COL17A1: variants seen among roughly 807,000 people sequenced by gnomAD.
COL17A1 encodes the protein collagen alpha-1(XVII) chain.
COL17A1 carries 181 observed loss-of-function variants against 218.4 expected under a neutral mutation model. The ratio of observed to expected loss-of-function variants is 0.83; its 90% CI spans 0.73 to 0.94. COL17A1 has a LOEUF of 0.94. Among genes scored for constraint, COL17A1 ranks in the 40% least tolerant of loss-of-function variants. The pLI, the probability that COL17A1 is intolerant of heterozygous loss-of-function variation, is 0.00. For synonymous variants in COL17A1, 721 were observed against 731.0 expected (o/e 0.99, Z 0.22); for missense variants, 1,924 against 1,945.9 (o/e 0.99, Z 0.21).
Position 104,061,428 on chromosome 10 carries a change from T to C in COL17A1, c.956A>G (p.Asn319Ser), listed in dbSNP as rs1176895576. ...ACCGGCGGAGGTGGAAACGCCAGTGTTCACAGCCGCAGGACTCTGGGGCAT... is the reference window on the plus strand; with the variant it reads ...ACCGGCGGAGGTGGAAACGCCAGTGCTCACAGCCGCAGGACTCTGGGGCAT... ...KNMPQSPAAVNTGVSTSAACT... is the reference protein window; with the variant it reads ...KNMPQSPAAVSTGVSTSAACT... The change falls in exon 13 of 56, where the codon AAC becomes AGC. Residue 319 changes from asparagine (N) to serine (S), a missense_variant. By Grantham distance (46) the Asn-to-Ser change is conservative. Coordinates refer to ENST00000648076, the MANE Select transcript of COL17A1 (RefSeq NM_000494.4). 2 of 1,613,726 alleles carry C rather than the reference T, an allele frequency of 1.2e-6. No individual in the cohort carries two copies. Among genetic ancestry groups the C allele is most frequent in the Middle Eastern group, 1.7e-4 (1 of 5,994 alleles).
intron 18 of COL17A1, 129 bp downstream of exon 18, chr10:104,055,653 G>A: frequency 1.5e-6 from 2 of 1,340,566 alleles, no homozygotes; most frequent in East Asian, 4.9e-5. Flanking sequence ...GCTATTGAGA[G>A]GATCAGGGGA....
chr10:104,035,987 CGTGT>C (rs915421428), intron 48 of COL17A1, among the ~76,000 whole-genome samples: 1 of 102,302 alleles, frequency 9.8e-6, no homozygotes, highest in African/African-American at 3.9e-5. Context: ...TATGGGAATG[CGTGT>C]GTGTATGCAT....
intron 7 of COL17A1, among the ~76,000 whole-genome samples, chr10:104,072,793 G>T (rs2086679280): frequency 6.6e-6 from 1 of 152,094 alleles, no homozygotes; most frequent in African/African-American, 2.4e-5. Flanking sequence ...TCATGGAGCT[G>T]TTTATCTCCT....
chr10:104,070,399 C>T (rs1444062701), intron 9 of COL17A1, 27 bp downstream of exon 9: 1 of 1,612,662 alleles, frequency 6.2e-7, no homozygotes, highest in Non-Finnish European at 8.5e-7. Flanking sequence ...TCTCACACTC[C>T]TCGGCAGCCT....
intron 1 of COL17A1, among the ~76,000 whole-genome samples, chr10:104,083,259 C>T (rs184857407): frequency 2.8e-4 from 43 of 152,262 alleles, no homozygotes; most frequent in African/African-American, 7.2e-4. Flanking sequence ...GGAAAAGGAA[C>T]GTTTCCTGCC....
chr10:104,054,198 A>T, intron 20 of COL17A1, 80 bp from the exon 21 acceptor site: 1 of 1,479,718 alleles, frequency 6.8e-7, no homozygotes. Flanking sequence ...AGTGGGATTC[A>T]GGTAGGGTTG....
intron 39 of COL17A1, among the ~76,000 whole-genome samples, 188 bp from the exon 40 acceptor site, chr10:104,040,598 ATAGGTGGATGG>A (rs1564673663): frequency 7.0e-6 from 1 of 143,530 alleles, no homozygotes; most frequent in Non-Finnish European, 1.6e-5. Context: ...GGATGGATGG[ATAGGTGGATGG>A]ATGGATGGAT....
In COL17A1 at chr10:104,036,536, A is replaced by C. The variant is rs2086300816; in HGVS notation, c.3374T>G (p.Leu1125Trp). The change falls in exon 48 of 56, where the codon TTG (leucine) becomes TGG (tryptophan). Residue 1125 changes from leucine (L) to tryptophan (W), a missense_variant. Physicochemically the swap from Leu to Trp is moderately conservative, Grantham distance 61. Transcript: ENST00000648076. ...GCGACTACTCAGCTCTGCATAGTCC[A>C]AAGACAGGAGGGACCCATCTCCACT... ...GASGDGSLLS[L>W]DYAELSSRIL... 1 of 1,613,866 alleles carries C rather than the reference A, an allele frequency of 6.2e-7. No homozygotes were observed. The highest frequency in any genetic ancestry group is 1.1e-5 in the South Asian group (1 of 91,092).
intron 21 of COL17A1, 24 bp downstream of exon 21, chr10:104,054,068 T>A: frequency 1.9e-6 from 3 of 1,613,450 alleles, no homozygotes; most frequent in African/African-American, 1.3e-5. Context: ...CTGGCAGGCC[T>A]GGAGGTCATC....
intron 10 of COL17A1, among the ~76,000 whole-genome samples, chr10:104,064,231 A>G (rs1169659452): frequency 2.0e-5 from 3 of 152,194 alleles, no homozygotes; most frequent in African/African-American, 7.2e-5. Flanking sequence ...ACACCGTGCT[A>G]TATATTCTAA....
chr10:104,060,286 G>A lies in COL17A1; in HGVS notation c.980-6C>T, dbSNP rs2086571019. Reference sequence around the variant, plus strand: ...CTGCACACTTGTGGTGCAGGCTGGGGAGAAAGAAAATGGGTAAGAAGGAAG... The same window carrying A: ...CTGCACACTTGTGGTGCAGGCTGGGAAGAAAGAAAATGGGTAAGAAGGAAG... On this transcript the variant is annotated splice_polypyrimidine_tract_variant and splice_region_variant and intron_variant, in intron 13 of 55. Coordinates refer to ENST00000648076, the MANE Select transcript of COL17A1 (RefSeq NM_000494.4). 1 of 1,614,058 alleles carries A rather than the reference G, an allele frequency of 6.2e-7. No homozygotes were observed. The highest frequency in any genetic ancestry group is 8.5e-7 in the Non-Finnish European group (1 of 1,180,018).
chr10:104,080,482 G>A, intron 2 of COL17A1, 140 bp downstream of exon 2: 1 of 946,594 alleles, frequency 1.1e-6, no homozygotes, highest in Non-Finnish European at 1.6e-6. Context: ...CTTATGAGAA[G>A]GATTAAAGTC....
intron 45 of COL17A1, 32 bp from the exon 46 acceptor site, chr10:104,037,805 C>A: frequency 6.2e-7 from 1 of 1,610,670 alleles, no homozygotes; most frequent in South Asian, 1.1e-5. Context: ...AAAGTCAAGC[C>A]TGTCCCAAGA....
At position 104,039,120 on chromosome 10, in the gene COL17A1, A is replaced by C. The variant is rs773574853; in HGVS notation, c.2898T>G (p.Gly966=). ...CAAGAGCCCCTGGAACACCTGGATCACCTGGAATCCAAAATGAGAAGTTTG... is the reference window on the plus strand; with the variant it reads ...CAAGAGCCCCTGGAACACCTGGATCCCCTGGAATCCAAAATGAGAAGTTTG... ...PGPQGPKGDK[G]DPGVPGALGI... The change falls in exon 44 of 56, where the codon GGT becomes GGG. Residue 966 remains glycine (G), a splice_region_variant and synonymous_variant. Transcript: ENST00000648076. The C allele has an allele frequency of 2.5e-6, 4 of 1,614,168 alleles. No homozygotes were observed. The South Asian group carries it at 4.4e-5, about 18-fold the overall frequency.
In COL17A1 at chr10:104,078,544, G is replaced by T; in HGVS notation, c.95C>A (p.Pro32Gln). Residue 32 changes from proline (P) to glutamine (Q), a missense_variant and splice_region_variant, in exon 3 of 56, where the codon CCA (proline) becomes CAA (glutamine). Transcript: ENST00000648076. Reference sequence around the variant, plus strand: ...AAGCTATTGAGGTAGTTACTTACTTGGTGGTAAGGATGTAAGTCTTGTGGT... The same window carrying T: ...AAGCTATTGAGGTAGTTACTTACTTTGTGGTAAGGATGTAAGTCTTGTGGT... ...TVTTRLTSLP[P>Q]KGGTSNGYAK... The T allele has an allele frequency of 1.9e-6, 3 of 1,614,174 alleles. No homozygotes were observed. Among genetic ancestry groups the T allele is most frequent in the Non-Finnish European group, 2.5e-6 (3 of 1,180,010 alleles).
chr10:104,083,917 A>T (rs552483885), intron 1 of COL17A1, among the ~76,000 whole-genome samples: 2 of 152,360 alleles, frequency 1.3e-5, no homozygotes, highest in Admixed American at 1.3e-4. Context: ...TATACACTTT[A>T]AATTTTAAAA....
Position 104,040,403 on chromosome 10 carries a change from G to T in COL17A1, c.2709C>A (p.Phe903Leu). Reference sequence around the variant, plus strand: ...CAGGTGGGCCTGGGGGGCCGGAGAGGAAGGTTTCTGCAGAGGAAGGAAATA... The same window carrying T: ...CAGGTGGGCCTGGGGGGCCGGAGAGTAAGGTTTCTGCAGAGGAAGGAAATA... ...PGSFLSNSET[F>L]LSGPPGPPGP... Residue 903 changes from phenylalanine to leucine, a missense_variant, in exon 40 of 56, where the codon TTC (phenylalanine) becomes TTA (leucine). Phe to Leu is a conservative substitution (Grantham distance 22). Transcript: ENST00000648076. 1 of 1,608,878 alleles carries T rather than the reference G, an allele frequency of 6.2e-7. No individual in the cohort carries two copies. Among genetic ancestry groups the T allele is most frequent in the Non-Finnish European group, 8.5e-7 (1 of 1,175,410 alleles).
Position 104,032,052 on chromosome 10 carries a change from G to GTATC in COL17A1, c.*179_*182dup, listed in dbSNP as rs1293009438. The GTATC allele has an allele frequency of 4.7e-6, 3 of 632,174 alleles. No homozygotes were observed. The highest frequency in any genetic ancestry group is 8.5e-6 in the Non-Finnish European group (3 of 351,596). 39.2% of individuals were successfully genotyped at this position (632,174 alleles called of 1,614,324 possible). On this transcript the variant is annotated 3_prime_UTR_variant, in exon 56 of 56. Transcript: ENST00000648076. ...ACCCCATGAAGCTGTTTCAGATTGT[G>GTATC]TATCTTTGACTGAATTCTATAAGTA...
rs34553613 is a variant in COL17A1 at position 104,037,287 on chromosome 10, A to AT, written c.3209-175dup. On this transcript the variant is annotated intron_variant, in intron 46 of 55. Coordinates refer to ENST00000648076, the MANE Select transcript of COL17A1 (RefSeq NM_000494.4). ...AACAAAGTCAAATACTGTTGTTGGG[A>AT]TTTTTTTTTTTTTTGTAAGAAAGGA... Among the ~76,000 whole-genome samples the AT allele has an allele frequency of 0.03, 4,457 of 147,622 alleles. 70 individuals carry two copies. The highest frequency in any genetic ancestry group is 0.049 in the Middle Eastern group (14 of 284).
Sources: allele counts gnomAD v4.1 joint callset (sites outside exome capture counted in the v4.1 genomes callset), GRCh38; gene constraint gnomAD v4.1.1; transcripts MANE v1.5; gene names NCBI Gene and HGNC (gene_info 2026-07-23, HGNC 2026-07-21).